Variants in PPP2R3A observed in about 807,000 individuals in gnomAD.
PPP2R3A encodes the protein serine/threonine-protein phosphatase 2A regulatory subunit B'' subunit alpha.
In PPP2R3A, 80 loss-of-function variants were observed where a neutral mutation model predicts 106.9. The observed-to-expected ratio is 0.75, with a 90% confidence interval of 0.62 to 0.90. The LOEUF (loss-of-function observed/expected upper bound fraction) is 0.90. PPP2R3A is among the 40% of genes least tolerant of loss of function. The pLI, the probability that PPP2R3A is intolerant of heterozygous loss-of-function variation, is 0.00. For synonymous variants in PPP2R3A, 483 were observed against 468.3 expected (o/e 1.03, Z -0.41); for missense variants, 1,386 against 1,350.4 (o/e 1.03, Z -0.41).
chr3:136,056,113 CA>C (rs1478032538), intron 5 of PPP2R3A, among the ~76,000 whole-genome samples: 1 of 152,174 alleles, frequency 6.6e-6, no homozygotes, highest in Non-Finnish European at 1.5e-5. Flanking sequence ...ATGAGGAAAA[CA>C]TCAGGCAGAT....
intron 2 of PPP2R3A, among the ~76,000 whole-genome samples, chr3:136,022,069 A>C (rs1654415622): frequency 2.6e-5 from 4 of 152,266 alleles, no homozygotes; most frequent in African/African-American, 7.2e-5. Context: ...TAACTATATG[A>C]GGCAGATATT....
chr3:136,104,488 T>C (rs559030223), intron 12 of PPP2R3A, among the ~76,000 whole-genome samples: 2 of 152,224 alleles, frequency 1.3e-5, no homozygotes, highest in South Asian at 4.1e-4. Flanking sequence ...GTATTTTTTG[T>C]ACAGACAAGG....
chr3:136,050,182 T>C (rs1236112109), intron 5 of PPP2R3A, among the ~76,000 whole-genome samples: 1 of 152,186 alleles, frequency 6.6e-6, no homozygotes, highest in African/African-American at 2.4e-5. Flanking sequence ...CTTTCACTGA[T>C]GGAACCAGAT....
intron 2 of PPP2R3A, among the ~76,000 whole-genome samples, chr3:136,015,274 G>A (rs1343457368): frequency 6.6e-6 from 1 of 151,936 alleles, no homozygotes; most frequent in Non-Finnish European, 1.5e-5. Context: ...AGAGATATTG[G>A]TCTGTAGTTT....
chr3:136,110,242 T>C (rs1937574062), intron 13 of PPP2R3A, among the ~76,000 whole-genome samples: 2 of 151,970 alleles, frequency 1.3e-5, no homozygotes, highest in Admixed American at 1.3e-4. Flanking sequence ...GAAATATCAA[T>C]GAAATACTCA....
rs140272165 is a variant in PPP2R3A, at chr3:136,106,283, T to A, written c.3290T>A (p.Leu1097His). The A allele has an allele frequency of 4.3e-6, 7 of 1,613,778 alleles. No homozygotes were observed. The African/African-American group carries it at 9.3e-5, about 22-fold the overall frequency. The change falls in exon 13 of 14, where the codon CTT becomes CAT. Residue 1097 changes from leucine to histidine, a missense_variant. Coordinates refer to ENST00000264977, the MANE Select transcript of PPP2R3A (RefSeq NM_002718.5). ...DRFAAEEYET[L>H]VAEESAQAQF... ...TTTGCCGCTGAGGAGTATGAGACGC[T>A]TGTTGCAGAGGAATCTGCCCAAGCA...
Position 136,006,066 on chromosome 3 carries a change from C to T in PPP2R3A, c.1995+2573C>T, listed in dbSNP as rs561312810. The stretch of plus-strand genomic sequence containing the variant: ...GCTAACACCTCATGAGTGGGTTCCC[C>T]GTGACCCCCAATCTAGGTACAGCTA... On this transcript the variant is annotated intron_variant, in intron 2 of 13. Transcript: ENST00000264977. Among the ~76,000 whole-genome samples the T allele has an allele frequency of 7.3e-4, 111 of 152,244 alleles. 2 individuals carry two copies. The South Asian group carries it at 0.016, about 22-fold the overall frequency.
Position 136,002,224 on chromosome 3 carries a change from T to C in PPP2R3A, c.726T>C (p.Asp242=). ...CLDILLKCSE[D]LKKCTDIIKQ... Reference sequence around the variant, plus strand: ...ACATCTTATTGAAATGCTCCGAGGATTTAAAAAAATGCACAGACATCATAA... The same window carrying C: ...ACATCTTATTGAAATGCTCCGAGGACTTAAAAAAATGCACAGACATCATAA... Residue 242 remains aspartate (D), a synonymous_variant, in exon 2 of 14, where the codon GAT becomes GAC. Coordinates refer to ENST00000264977, the MANE Select transcript of PPP2R3A (RefSeq NM_002718.5). 1 of 1,613,530 alleles carries C rather than the reference T, an allele frequency of 6.2e-7. No homozygotes were observed. Among genetic ancestry groups the C allele is most frequent in the Non-Finnish European group, 8.5e-7 (1 of 1,179,846 alleles).
chr3:136,043,529 C>G (rs1487622140), intron 4 of PPP2R3A, among the ~76,000 whole-genome samples: 1 of 152,166 alleles, frequency 6.6e-6, no homozygotes, highest in Non-Finnish European at 1.5e-5. Flanking sequence ...GCCTCAGTAT[C>G]TCTCCTCCAA....
chr3:136,144,552 T>C (rs946263670), intron 13 of PPP2R3A, among the ~76,000 whole-genome samples: 1 of 151,832 alleles, frequency 6.6e-6, no homozygotes, highest in Non-Finnish European at 1.5e-5. Flanking sequence ...TCCCAGCTAC[T>C]GAGGAGGCTG....
chr3:136,048,862 G>A (rs1476124861), intron 4 of PPP2R3A, among the ~76,000 whole-genome samples: 2 of 152,088 alleles, frequency 1.3e-5, no homozygotes, highest in Non-Finnish European at 2.9e-5. Flanking sequence ...GATAGGTGTC[G>A]GGGTAAAAGG....
chr3:136,131,220 T>C (rs549162162), intron 13 of PPP2R3A, among the ~76,000 whole-genome samples: 183 of 151,980 alleles, frequency 1.2e-3, no homozygotes, highest in Non-Finnish European at 2.0e-3. Flanking sequence ...ACCATCAGAG[T>C]GAACAGGCAA....
At chr3:135,966,116 C>A (rs1459811923) in intron 1 of PPP2R3A, among the ~76,000 whole-genome samples, 1 of 152,068 alleles carries the variant, frequency 6.6e-6, no homozygotes, top group Non-Finnish European at 1.5e-5. Flanking sequence ...GTGGAAATTG[C>A]CTGCCCCAGG....
chr3:136,054,336 G>A (rs962935356), intron 5 of PPP2R3A, among the ~76,000 whole-genome samples: 1 of 137,264 alleles, frequency 7.3e-6, no homozygotes, highest in Non-Finnish European at 1.5e-5. Context: ...TTGGCTCACT[G>A]CAACCTCCGC....
intron 2 of PPP2R3A, among the ~76,000 whole-genome samples, chr3:136,024,038 TCAAATATTGG>T (rs2107818378): frequency 6.6e-6 from 1 of 152,226 alleles, no homozygotes; most frequent in African/African-American, 2.4e-5. Context: ...TCAAAAATGA[TCAAATATTGG>T]AAATGCTACA....
At position 136,002,768 on chromosome 3, in the gene PPP2R3A, A is replaced by G. The variant is rs968415752; in HGVS notation, c.1270A>G (p.Lys424Glu). 6.2e-7 allele frequency: 1 copy of G among 1,613,094 alleles called. No individual in the cohort carries two copies. The highest frequency in any genetic ancestry group is 8.5e-7 in the Non-Finnish European group (1 of 1,179,582). Reference protein sequence around the residue: ...TLYIEEESDGKKALDKGQKTE... With the variant: ...TLYIEEESDGEKALDKGQKTE... ...TTATATTGAAGAAGAGTCAGATGGA[A>G]AGAAAGCATTAGATAAAGGACAAAA... Residue 424 changes from lysine (K) to glutamate (E), a missense_variant, in exon 2 of 14, where the codon AAG becomes GAG. Physicochemically the swap from Lys to Glu is moderately conservative, Grantham distance 56 (BLOSUM62 1). Coordinates refer to ENST00000264977, the MANE Select transcript of PPP2R3A (RefSeq NM_002718.5).
At chr3:136,064,076 A>G (rs1352706617) in intron 5 of PPP2R3A, among the ~76,000 whole-genome samples, 1 of 152,054 alleles carries the variant, frequency 6.6e-6, no homozygotes, top group Non-Finnish European at 1.5e-5. Context: ...ACCATGGAAT[A>G]CTATGCAGCC....
At chr3:136,033,851 A>G (rs1559880214) in intron 3 of PPP2R3A, among the ~76,000 whole-genome samples, 1 of 150,216 alleles carries the variant, frequency 6.7e-6, no homozygotes, top group Non-Finnish European at 1.5e-5. Context: ...TGTTTCATTT[A>G]TTTTTTGTAT....
intron 8 of PPP2R3A, 80 bp downstream of exon 8, chr3:136,082,501 C>G (rs142820439): frequency 1.3e-6 from 2 of 1,498,376 alleles, no homozygotes; most frequent in African/African-American, 2.8e-5. Context: ...GAGAAATTCC[C>G]GTTTGCTAAA....
Sources: gnomAD v4.1 joint callset for allele counts (sites outside exome capture counted in the v4.1 genomes callset) on GRCh38, gnomAD v4.1.1 for gene constraint, MANE v1.5 for transcripts, NCBI Gene and HGNC (gene_info 2026-07-23, HGNC 2026-07-21) for gene names.